Variants in GLIS3 observed in about 807,000 individuals in gnomAD.
GLIS3 encodes zinc finger protein GLIS3.
In GLIS3, 53 loss-of-function variants were observed where a neutral mutation model predicts 78.6. The observed-to-expected ratio is 0.67, with a 90% CI of 0.54 to 0.85. The LOEUF (loss-of-function observed/expected upper bound fraction) is 0.85. GLIS3 is among the 40% of genes least tolerant of loss of function. GLIS3 has a pLI of 0.00. For missense variants in GLIS3, 1,703 were observed against 1,231.1 expected, an observed-to-expected ratio of 1.38 and a Z score of -5.74; for synonymous variants, 684 against 509.9, an observed-to-expected ratio of 1.34 and a Z score of -4.60.
At chr9:4,249,517 G>A (rs182927231) in intron 2 of GLIS3, among the ~76,000 whole-genome samples, 1 of 152,132 alleles carries the variant, frequency 6.6e-6, no homozygotes, top group Non-Finnish European at 1.5e-5. Flanking sequence ...GGAGGTTTGG[G>A]GCTGAGACAA....
At chr9:4,202,021 C>T (rs1218795654) in intron 2 of GLIS3, among the ~76,000 whole-genome samples, 1 of 152,058 alleles carries the variant, frequency 6.6e-6, no homozygotes, top group Non-Finnish European at 1.5e-5. Flanking sequence ...CACCTGTAAT[C>T]CCAGCTATAG....
intron 9 of GLIS3, among the ~76,000 whole-genome samples, chr9:3,834,338 A>G (rs1818218075): frequency 6.6e-6 from 1 of 152,226 alleles, no homozygotes; most frequent in South Asian, 2.1e-4. Flanking sequence ...GATACCCTCT[A>G]GGGCCATGCT....
rs71507912 is a variant in GLIS3, at chr9:3,953,760, G to GCT, written c.1711-16573_1711-16572dup. Among the ~76,000 whole-genome samples the GCT allele has an allele frequency of 7.8e-3, 804 of 102,786 alleles. 4 individuals are homozygous for GCT. Among genetic ancestry groups the GCT allele is most frequent in the South Asian group, 0.022 (55 of 2,548 alleles). The allele number at this position is 102,786 out of a possible 152,430, so 67.4% of individuals were successfully genotyped here. A position where few individuals can be genotyped will look rare whatever the true frequency, so the allele number is the denominator to read the frequency against. On this transcript the variant is annotated intron_variant, in intron 4 of 10. Transcript: ENST00000381971. ...AATATTGCCAATGATAATTAGATTT[G>GCT]CTCTCTCTCTCTCTCTCTCTCTCTC...
intron 8 of GLIS3, among the ~76,000 whole-genome samples, chr9:3,861,636 G>A (rs1820221535): frequency 6.6e-6 from 1 of 152,090 alleles, no homozygotes; most frequent in Non-Finnish European, 1.5e-5. Context: ...TAATTTGCAG[G>A]GACATGGATG....
chr9:4,286,206 C>A lies in GLIS3; in HGVS notation c.220G>T (p.Val74Leu). ...SGGGMAPQNNVAESRIHLPAL... is the reference protein window; with the variant it reads ...SGGGMAPQNNLAESRIHLPAL... ...GGCAGATGGATGCGGCTCTCAGCCA[C>A]GTTGTTCTGAGGAGCCATCCCTCCT... The change falls in exon 2 of 11, where the codon GTG becomes TTG. Residue 74 changes from valine to leucine, a missense_variant. Transcript: ENST00000381971. The A allele has an allele frequency of 6.2e-7, 1 of 1,614,188 alleles. No individual in the cohort carries two copies. The highest frequency in any genetic ancestry group is 8.5e-7 in the Non-Finnish European group (1 of 1,180,024).
At chr9:4,448,076 G>C in the GLIS3 span, among the ~76,000 whole-genome samples, 68 of 152,216 alleles carry the variant, frequency 4.5e-4, no homozygotes, top group Admixed American at 2.5e-3. Flanking sequence ...CTCTGATAGA[G>C]CCCAGCTTTC....
intron 9 of GLIS3, among the ~76,000 whole-genome samples, chr9:3,831,208 A>G (rs1026793149): frequency 2.0e-5 from 3 of 152,244 alleles, no homozygotes; most frequent in Non-Finnish European, 4.4e-5. Context: ...GACTAGGAAA[A>G]TACCTAAGGA....
chr9:4,220,571 T>A (rs1391935443), intron 2 of GLIS3, among the ~76,000 whole-genome samples: 1 of 151,960 alleles, frequency 6.6e-6, no homozygotes, highest in Non-Finnish European at 1.5e-5. Context: ...TGAGGCAACA[T>A]CAACAAAGTA....
intron 2 of GLIS3, among the ~76,000 whole-genome samples, chr9:4,168,963 T>C (rs1481612299): frequency 2.0e-5 from 3 of 152,332 alleles, no homozygotes; most frequent in Middle Eastern, 6.8e-3. Flanking sequence ...ATATGAGTTA[T>C]TTAACTTATA....
the GLIS3 span, among the ~76,000 whole-genome samples, chr9:4,410,810 A>G: frequency 3.0e-3 from 461 of 152,314 alleles, 15 homozygotes; most frequent in Admixed American, 0.027. Context: ...AACAAATGGG[A>G]TATTTTAATC....
At chr9:4,146,030 A>G (rs1485003933) in intron 2 of GLIS3, among the ~76,000 whole-genome samples, 2 of 152,224 alleles carry the variant, frequency 1.3e-5, no homozygotes, top group African/African-American at 2.4e-5. Flanking sequence ...TTTAACCTAT[A>G]AAACCTATAT....
At chr9:4,411,366 C>G in the GLIS3 span, among the ~76,000 whole-genome samples, 8 of 152,162 alleles carry the variant, frequency 5.3e-5, no homozygotes, top group Non-Finnish European at 1.2e-4. Flanking sequence ...GAAATACAAC[C>G]TCAGGCACAA....
intron 7 of GLIS3, chr9:3,898,470 G>C: frequency 1.7e-6 from 1 of 597,514 alleles, no homozygotes; most frequent in Non-Finnish European, 3.0e-6. Context: ...ATAACTAAAA[G>C]AGGTAATGCA....
chr9:4,029,350 T>C (rs1457242260), intron 4 of GLIS3, among the ~76,000 whole-genome samples: 1 of 151,778 alleles, frequency 6.6e-6, no homozygotes, highest in Admixed American at 6.6e-5. Context: ...TAGGTGTATA[T>C]ATTTATGGGG....
chr9:4,417,252 A>T, the GLIS3 span, among the ~76,000 whole-genome samples: 1 of 152,220 alleles, frequency 6.6e-6, no homozygotes. Flanking sequence ...ACTCACGGTT[A>T]ACATGCTGTG....
chr9:4,103,450 C>G (rs138356864), intron 4 of GLIS3, among the ~76,000 whole-genome samples: 1 of 152,072 alleles, frequency 6.6e-6, no homozygotes, highest in African/African-American at 2.4e-5. Flanking sequence ...ACACGAGATA[C>G]CACCAAATTC....
Position 4,156,864 on chromosome 9 carries a change from C to T in GLIS3, c.389-30923G>A, listed in dbSNP as rs373942002. On this transcript the variant is annotated intron_variant, in intron 2 of 10. Transcript: ENST00000381971. ...TCTCCCAGCTTAGCTTGCAGTGGTT[C>T]TCAAAGTGTGGTACCTGGACCAACA... Among the ~76,000 whole-genome samples, 122 of 152,256 alleles carry T rather than the reference C, an allele frequency of 8.0e-4. 1 individual carries two copies. The highest frequency in any genetic ancestry group is 2.8e-3 in the African/African-American group (118 of 41,552).
chr9:4,189,756 CTTT>C (rs774683096), intron 2 of GLIS3, among the ~76,000 whole-genome samples: 2 of 152,140 alleles, frequency 1.3e-5, no homozygotes, highest in African/African-American at 2.4e-5. Flanking sequence ...TAATGGCCTT[CTTT>C]GTCTCTTTTG....
At chr9:4,413,418 A>G in the GLIS3 span, among the ~76,000 whole-genome samples, 1 of 152,330 alleles carries the variant, frequency 6.6e-6, no homozygotes, top group East Asian at 1.9e-4. Context: ...TCTAATCAAC[A>G]GAAGGGTTTC....
Sources: gnomAD v4.1 joint callset for allele counts (sites outside exome capture counted in the v4.1 genomes callset) on GRCh38, gnomAD v4.1.1 for gene constraint, MANE v1.5 for transcripts, NCBI Gene and HGNC (gene_info 2026-07-23, HGNC 2026-07-21) for gene names.